Variants in CSMD1 observed in about 807,000 individuals in gnomAD.
CSMD1 encodes CUB and Sushi multiple domains 1.
A neutral mutation model predicts 417.5 loss-of-function variants in CSMD1; 213 were observed. That is an observed-to-expected ratio of 0.51 (90% CI 0.46 to 0.57). CSMD1 has a LOEUF of 0.57. Ranked by LOEUF, CSMD1 falls within the 20% of genes least tolerant of loss-of-function variation. The pLI, the probability that CSMD1 is intolerant of heterozygous loss-of-function variation, is 0.00. For missense variants in CSMD1, 6,923 were observed against 4,529.7 expected (o/e 1.53, Z -15.17); for synonymous variants, 2,862 against 1,736.8 (o/e 1.65, Z -16.11).
In CSMD1 at chr8:3,619,897, T is replaced by C. The variant is rs577510532; in HGVS notation, c.1010-3100A>G. ...TGGGTGGATCACTTGACGTCAGGAA[T>C]TCAAGACTGGCCTGGCCAACATAGT... On this transcript the variant is annotated intron_variant, in intron 7 of 69. Transcript: ENST00000635120. Among the ~76,000 whole-genome samples, 3 of 152,258 alleles carry C rather than the reference T, an allele frequency of 2.0e-5. No homozygotes were observed. The South Asian group carries it at 6.2e-4, about 32-fold the overall frequency.
intron 1 of CSMD1, among the ~76,000 whole-genome samples, chr8:4,735,801 G>A (rs1810197460): frequency 6.6e-6 from 1 of 152,152 alleles, no homozygotes; most frequent in Admixed American, 6.6e-5. Context: ...ATTTTTCCAA[G>A]GCTGCCTAGA....
chr8:3,721,379 C>G (rs1802165325), intron 6 of CSMD1, among the ~76,000 whole-genome samples: 1 of 152,112 alleles, frequency 6.6e-6, no homozygotes, highest in South Asian at 2.1e-4. Context: ...ATCAACGTCT[C>G]TAGCCCAGGT....
intron 2 of CSMD1, among the ~76,000 whole-genome samples, chr8:4,576,914 TGATTATTTA>T (rs1490735203): frequency 4.6e-5 from 7 of 152,210 alleles, no homozygotes; most frequent in African/African-American, 1.7e-4. Context: ...ATTAATAGAA[TGATTATTTA>T]GATTTACTTA....
In CSMD1 at chr8:4,513,560, T is replaced by A. The variant is rs139360618; in HGVS notation, c.303-93495A>T. ...TCATGAAATCTTCTAGAGAATCATA[T>A]CAAGTGACACACTGATTAAGCACAT... On this transcript the variant is annotated intron_variant, in intron 2 of 69. Transcript: ENST00000635120. 5.7e-3 allele frequency among the ~76,000 whole-genome samples: 861 copies of A among 152,262 alleles called. 8 individuals are homozygous for A. Among genetic ancestry groups the A allele is most frequent in the African/African-American group, 0.02 (816 of 41,554 alleles).
intron 3 of CSMD1, among the ~76,000 whole-genome samples, chr8:4,291,270 A>G (rs1193627974): frequency 6.6e-6 from 1 of 152,166 alleles, no homozygotes; most frequent in African/African-American, 2.4e-5. Flanking sequence ...AAATATTCAA[A>G]AGGATAAATA....
At chr8:3,533,718 C>G (rs902346144) in intron 10 of CSMD1, among the ~76,000 whole-genome samples, 3 of 152,176 alleles carry the variant, frequency 2.0e-5, no homozygotes, top group Non-Finnish European at 4.4e-5. Context: ...GATGTATCAT[C>G]CTGGAACTCA....
chr8:3,845,930 C>T (rs142260945), intron 5 of CSMD1, among the ~76,000 whole-genome samples: 477 of 151,964 alleles, frequency 3.1e-3, no homozygotes, highest in Non-Finnish European at 4.8e-3. Context: ...CACTATCTTC[C>T]ACCTTCACAT....
intron 5 of CSMD1, among the ~76,000 whole-genome samples, chr8:3,854,307 G>T (rs984896520): frequency 6.6e-6 from 1 of 151,646 alleles, no homozygotes; most frequent in Admixed American, 6.6e-5. Context: ...TTTTAGTAGT[G>T]TGCACTGCCC....
At chr8:3,673,536 C>G (rs1433646985) in intron 7 of CSMD1, among the ~76,000 whole-genome samples, 1 of 152,176 alleles carries the variant, frequency 6.6e-6, no homozygotes, top group African/African-American at 2.4e-5. Flanking sequence ...GTGTTTGCAT[C>G]TTCAATATTT....
chr8:4,508,896 T>G (rs1172173260), intron 2 of CSMD1, among the ~76,000 whole-genome samples: 1 of 152,016 alleles, frequency 6.6e-6, no homozygotes, highest in African/African-American at 2.4e-5. Flanking sequence ...TAGAGGAAAA[T>G]GCCTAAATAG....
intron 5 of CSMD1, among the ~76,000 whole-genome samples, chr8:3,898,860 C>T (rs1807539317): frequency 6.6e-6 from 1 of 152,092 alleles, no homozygotes; most frequent in Non-Finnish European, 1.5e-5. Context: ...TAGCTGATAG[C>T]CCCAATACTC....
intron 1 of CSMD1, among the ~76,000 whole-genome samples, chr8:4,701,133 C>G (rs757237316): frequency 3.9e-4 from 59 of 151,938 alleles, no homozygotes; most frequent in Non-Finnish European, 7.2e-4. Flanking sequence ...TTCAAAAATT[C>G]GTTTTTTACA....
chr8:4,797,143 A>C (rs1463547722), intron 1 of CSMD1, among the ~76,000 whole-genome samples: 1 of 152,200 alleles, frequency 6.6e-6, no homozygotes, highest in Non-Finnish European at 1.5e-5. Flanking sequence ...GGAAGAAATG[A>C]GACAAACCCA....
intron 7 of CSMD1, among the ~76,000 whole-genome samples, chr8:3,656,923 T>A (rs1219926289): frequency 4.2e-5 from 6 of 142,598 alleles, no homozygotes; most frequent in East Asian, 2.1e-4. Flanking sequence ...AGACTCTGTC[T>A]AAAAAAAAAA....
intron 7 of CSMD1, among the ~76,000 whole-genome samples, chr8:3,636,209 C>T (rs969198690): frequency 1.3e-5 from 2 of 152,182 alleles, no homozygotes; most frequent in African/African-American, 4.8e-5. Flanking sequence ...ATTGGAAGGT[C>T]TTCAGGAGCA....
intron 5 of CSMD1, among the ~76,000 whole-genome samples, chr8:3,900,950 T>C (rs10092638): frequency 0.5 from 76,308 of 152,196 alleles, 22,468 homozygotes; most frequent in South Asian, 0.65. Context: ...AGAAGGTCTA[T>C]AAAGGACAGA....
rs192471947 is a variant in CSMD1, at chr8:3,538,348, C to G, written c.1344+36597G>C. 1.6e-3 allele frequency among the ~76,000 whole-genome samples: 239 copies of G among 152,216 alleles called. 1 individual carries two copies. Among genetic ancestry groups the G allele is most frequent in the African/African-American group, 5.7e-3 (235 of 41,536 alleles). ...CATCTGAGATTATGCAACTGACATG[C>G]TTCACCTGGGATGATGCACCTGGGA... On this transcript the variant is annotated intron_variant, in intron 10 of 69. Transcript: ENST00000635120.
rs546439219 is a variant in CSMD1 at position 2,995,084 on chromosome 8, C to A, written c.8377+2927G>T. On this transcript the variant is annotated intron_variant, in intron 54 of 69. Transcript: ENST00000635120. ...TTAAAACTTGTGCTGCTCAAAGGAC[C>A]CTGTGAAGAGGATGAAAGTCAAACG... Among the ~76,000 whole-genome samples, 4 of 152,102 alleles carry A rather than the reference C, an allele frequency of 2.6e-5. No individual in the cohort carries two copies. In the South Asian group the frequency reaches 8.3e-4, roughly 32 times the overall value.
At chr8:3,265,161 T>C (rs890068309) in intron 26 of CSMD1, among the ~76,000 whole-genome samples, 5 of 152,234 alleles carry the variant, frequency 3.3e-5, no homozygotes, top group Non-Finnish European at 7.4e-5. Context: ...TTAAGGAATT[T>C]ACACTCTCAC....
Sources: allele counts gnomAD v4.1 joint callset (sites outside exome capture counted in the v4.1 genomes callset), GRCh38; gene constraint gnomAD v4.1.1; transcripts MANE v1.5; gene names NCBI Gene and HGNC (gene_info 2026-07-23, HGNC 2026-07-21).